Variants in NAALADL2 observed in about 807,000 individuals in gnomAD.
NAALADL2 encodes inactive N-acetylated-alpha-linked acidic dipeptidase-like protein 2.
In NAALADL2, 76 loss-of-function variants were observed where a neutral mutation model predicts 87.2. The ratio of observed to expected loss-of-function variants is 0.87; its 90% CI spans 0.72 to 1.05. The LOEUF (loss-of-function observed/expected upper bound fraction) is 1.05. NAALADL2 is among the 50% of genes least tolerant of loss of function. The pLI, the probability that NAALADL2 is intolerant of heterozygous loss-of-function variation, is 0.00. For synonymous variants in NAALADL2, 354 were observed against 331.0 expected, an observed-to-expected ratio of 1.07 and a Z score of -0.75; for missense variants, 1,089 against 945.8, an observed-to-expected ratio of 1.15 and a Z score of -1.99.
intron 4 of NAALADL2, among the ~76,000 whole-genome samples, chr3:175,282,321 C>T (rs140386684): frequency 6.6e-6 from 1 of 151,950 alleles, no homozygotes; most frequent in East Asian, 1.9e-4. Flanking sequence ...TAAAGCTGGT[C>T]AGAGAAAATT....
chr3:175,224,430 C>T (rs1168840485), intron 2 of NAALADL2, among the ~76,000 whole-genome samples: 1 of 152,118 alleles, frequency 6.6e-6, no homozygotes, highest in African/African-American at 2.4e-5. Context: ...GCAGCTTGGA[C>T]TAACAAGGGT....
intron 2 of NAALADL2, among the ~76,000 whole-genome samples, chr3:174,559,552 T>G (rs1477859503): frequency 3.3e-5 from 5 of 152,168 alleles, no homozygotes; most frequent in South Asian, 2.1e-4. Context: ...CTTGGGCTGC[T>G]ATAACAAAAT....
At position 175,698,460 on chromosome 3, in the gene NAALADL2, TG is replaced by T. The variant is rs1172065867; in HGVS notation, c.1897-38845del. ...ATATTTATGTATGTATACATATATG[TG>T]TATATATGTGTGTATATATATTTAT... On this transcript the variant is annotated intron_variant, in intron 11 of 13. Transcript: ENST00000454872. Among the ~76,000 whole-genome samples the T allele has an allele frequency of 1.1e-4, 15 of 131,708 alleles. 2 individuals are homozygous for T. Among genetic ancestry groups the T allele is most frequent in the South Asian group, 2.2e-4 (1 of 4,524 alleles). The allele number at this position is 131,708 out of a possible 152,430, so 86.4% of individuals were successfully genotyped here. A position where few individuals can be genotyped will look rare whatever the true frequency, so the allele number is the denominator to read the frequency against.
chr3:175,047,934 A>T (rs538145646), intron 1 of NAALADL2, among the ~76,000 whole-genome samples: 8 of 152,244 alleles, frequency 5.3e-5, no homozygotes, highest in East Asian at 1.9e-4. Flanking sequence ...GAGGGCATGG[A>T]TTTCACAGAG....
At chr3:175,137,248 T>A (rs1177321497) in intron 2 of NAALADL2, among the ~76,000 whole-genome samples, 2 of 152,148 alleles carry the variant, frequency 1.3e-5, no homozygotes, top group African/African-American at 4.8e-5. Flanking sequence ...AGCACATTGA[T>A]TGATATGTTT....
At position 175,023,602 on chromosome 3, in the gene NAALADL2, C is replaced by G. The variant is rs567934212; in HGVS notation, c.44-73188C>G. The stretch of plus-strand genomic sequence containing the variant: ...AAAAAATTCTAGAAATACTTTAAAC[C>G]TTACCATACAGAGATACTGAATGAC... On this transcript the variant is annotated intron_variant, in intron 1 of 13. Transcript: ENST00000454872. Among the ~76,000 whole-genome samples, 36 of 152,050 alleles carry G rather than the reference C, an allele frequency of 2.4e-4. 1 individual carries two copies. The South Asian group carries it at 6.6e-3, about 28-fold the overall frequency.
At chr3:174,956,316 A>G (rs1741144169) in intron 1 of NAALADL2, among the ~76,000 whole-genome samples, 1 of 152,026 alleles carries the variant, frequency 6.6e-6, no homozygotes, top group Non-Finnish European at 1.5e-5. Context: ...GATGTTGACA[A>G]TTTGGTTTTT....
chr3:174,918,086 A>T (rs941065396), intron 1 of NAALADL2, among the ~76,000 whole-genome samples: 2 of 152,156 alleles, frequency 1.3e-5, no homozygotes, highest in African/African-American at 4.8e-5. Context: ...ACTATGTAGC[A>T]TATTTGATTC....
At chr3:175,205,099 A>G (rs1399179841) in intron 2 of NAALADL2, among the ~76,000 whole-genome samples, 1 of 152,160 alleles carries the variant, frequency 6.6e-6, no homozygotes, top group Non-Finnish European at 1.5e-5. Context: ...ACTAGAAAAA[A>G]ACACTTCTAA....
At position 174,908,283 on chromosome 3, in the gene NAALADL2, C is replaced by T. The variant is rs569437442; in HGVS notation, c.43+48833C>T. 9.2e-5 allele frequency among the ~76,000 whole-genome samples: 14 copies of T among 152,006 alleles called. No individual in the cohort carries two copies. The South Asian group carries it at 2.7e-3, about 29-fold the overall frequency. ...AATAAATTTCACCATGTCTTCACAC[C>T]CCCAGGCCTAAATTAAATCAAAGTA... On this transcript the variant is annotated intron_variant, in intron 1 of 13. Transcript: ENST00000454872.
chr3:174,578,196 A>G (rs933857852), intron 2 of NAALADL2, among the ~76,000 whole-genome samples: 1 of 152,034 alleles, frequency 6.6e-6, no homozygotes, highest in Non-Finnish European at 1.5e-5. Context: ...GGAGAGAAAT[A>G]ATGGAGCAGA....
At chr3:175,069,034 G>A (rs1052896830) in intron 1 of NAALADL2, among the ~76,000 whole-genome samples, 4 of 152,012 alleles carry the variant, frequency 2.6e-5, no homozygotes, top group African/African-American at 4.8e-5. Flanking sequence ...AGACTTAAAC[G>A]TTAGACCTAA....
chr3:175,539,340 C>T (rs1711872816), intron 9 of NAALADL2, among the ~76,000 whole-genome samples: 1 of 152,094 alleles, frequency 6.6e-6, no homozygotes, highest in Non-Finnish European at 1.5e-5. Flanking sequence ...TAAATAGAAT[C>T]TGTTTATACC....
chr3:175,481,985 A>G (rs1181707558), intron 9 of NAALADL2, among the ~76,000 whole-genome samples: 1 of 151,938 alleles, frequency 6.6e-6, no homozygotes, highest in Non-Finnish European at 1.5e-5. Context: ...AAAAAAATTC[A>G]TCTTTCAAAA....
intron 2 of NAALADL2, among the ~76,000 whole-genome samples, chr3:175,147,193 AG>A (rs1259442874): frequency 6.6e-6 from 1 of 152,204 alleles, no homozygotes; most frequent in Non-Finnish European, 1.5e-5. Context: ...TCACCCAGGT[AG>A]TGTGTAGAGT....
chr3:175,409,323 C>G (rs994411211), intron 5 of NAALADL2, among the ~76,000 whole-genome samples: 1 of 151,634 alleles, frequency 6.6e-6, no homozygotes, highest in Non-Finnish European at 1.5e-5. Context: ...AGCTAAGTGC[C>G]TACCTACTTG....
At chr3:175,074,144 A>G (rs1580307520) in intron 1 of NAALADL2, among the ~76,000 whole-genome samples, 3 of 152,208 alleles carry the variant, frequency 2.0e-5, no homozygotes, top group Admixed American at 6.6e-5. Flanking sequence ...AAATTAATGA[A>G]TGAATTTACC....
intron 11 of NAALADL2, among the ~76,000 whole-genome samples, chr3:175,635,486 T>C (rs998359153): frequency 6.6e-6 from 1 of 152,188 alleles, no homozygotes; most frequent in Non-Finnish European, 1.5e-5. Flanking sequence ...ATATATTACA[T>C]GCATAAATCA....
intron 1 of NAALADL2, among the ~76,000 whole-genome samples, chr3:174,508,709 TA>T (rs143614443): frequency 0.014 from 2,130 of 152,304 alleles, 48 homozygotes; most frequent in African/African-American, 0.049. Context: ...AAAACATTCC[TA>T]AACATTTCAT....
Sources: allele counts gnomAD v4.1 joint callset (sites outside exome capture counted in the v4.1 genomes callset), GRCh38; gene constraint gnomAD v4.1.1; transcripts MANE v1.5; gene names NCBI Gene and HGNC (gene_info 2026-07-23, HGNC 2026-07-21).